PGM3: variants seen among roughly 807,000 people sequenced by gnomAD.
The protein encoded by PGM3 is phosphoacetylglucosamine mutase.
A neutral mutation model predicts 66.2 loss-of-function variants in PGM3; 40 were observed. The ratio of observed to expected loss-of-function variants is 0.60; its 90% CI spans 0.47 to 0.79. The LOEUF (loss-of-function observed/expected upper bound fraction) is 0.79, where lower values mean the gene tolerates loss of function less well. Ranked by LOEUF, PGM3 falls within the 30% of genes least tolerant of loss-of-function variation. The pLI, the probability that PGM3 is intolerant of heterozygous loss-of-function variation, is 0.00. For missense variants in PGM3, 537 were observed against 643.4 expected (o/e 0.83, Z 1.79); for synonymous variants, 191 against 224.2 (o/e 0.85, Z 1.32).
At chr6:83,180,486 T>C (rs1419240578) in intron 6 of PGM3, among the ~76,000 whole-genome samples, 1 of 152,196 alleles carries the variant, frequency 6.6e-6, no homozygotes, top group East Asian at 1.9e-4. Context: ...ATCTCAGCAA[T>C]TGTCACATCA....
Position 83,168,663 on chromosome 6 carries a change from A to G in PGM3, c.*571T>C, listed in dbSNP as rs770551557. On this transcript the variant is annotated 3_prime_UTR_variant, in exon 13 of 13. Coordinates refer to ENST00000513973, the MANE Select transcript of PGM3 (RefSeq NM_015599.3). ...CTGAAGGCTGGACCATGCATCCTTA[A>G]AAGTATTGCATGAGCATCTCCACCT... The G allele has an allele frequency of 1.3e-5, 13 of 995,172 alleles. No individual in the cohort carries two copies. The highest frequency in any genetic ancestry group is 3.5e-5 in the African/African-American group (2 of 57,286). 61.6% of individuals were successfully genotyped at this position (995,172 alleles called of 1,614,324 possible).
rs757358580 is a variant in PGM3, at chr6:83,167,929, T to C, written c.*1305A>G. 2 of 1,614,182 alleles carry C rather than the reference T, an allele frequency of 1.2e-6. No individual in the cohort carries two copies. Among genetic ancestry groups the C allele is most frequent in the African/African-American group, 1.3e-5 (1 of 75,064 alleles). On this transcript the variant is annotated 3_prime_UTR_variant, in exon 13 of 13. Coordinates refer to ENST00000513973, the MANE Select transcript of PGM3 (RefSeq NM_015599.3). ...GAGCCAGGGCACTTGCTGCTCACCA[T>C]CTGCACCGTGCGCAGTATGGAGCAG...
At chr6:83,156,202 G>T, downstream of PGM3, 1 of 926,844 alleles carries the variant, frequency 1.1e-6, no homozygotes. Context: ...AATATATCAA[G>T]TGTAGATCAA....
rs1328940108 is a variant in PGM3, at chr6:83,191,257, C to T, written c.-2-243G>A. 8 of 1,534,880 alleles carry T rather than the reference C, an allele frequency of 5.2e-6. No homozygotes were observed. The highest frequency in any genetic ancestry group is 1.4e-5 in the African/African-American group (1 of 73,094). The stretch of plus-strand genomic sequence containing the variant: ...CAGGGCAGATAGCAGATTGTCCCCA[C>T]TCTCCTCCCATTTTAGCTCCAGGAC... On this transcript the variant is annotated intron_variant, in intron 1 of 12. Coordinates refer to ENST00000513973, the MANE Select transcript of PGM3 (RefSeq NM_015599.3).
the PGM3 span, among the ~76,000 whole-genome samples, chr6:83,149,307 GT>G: frequency 6.6e-6 from 1 of 152,148 alleles, no homozygotes; most frequent in Admixed American, 6.5e-5. Context: ...TTTGATAAAT[GT>G]TAGTCACCTA....
At position 83,170,316 on chromosome 6, in the gene PGM3, C is replaced by T; in HGVS notation, c.1528G>A (p.Ala510Thr). ...CTATCCCAGCTTACTTGTGAGTCTGCTTCTGCATATACTCGGACGACATCT... is the reference window on the plus strand; with the variant it reads ...CTATCCCAGCTTACTTGTGAGTCTGTTTCTGCATATACTCGGACGACATCT... ...TEDVVRVYAE[A>T]DSQESADHLA... Residue 510 changes from alanine (A) to threonine (T), a missense_variant, in exon 12 of 13, where the codon GCA (alanine) becomes ACA (threonine). Coordinates refer to ENST00000513973, the MANE Select transcript of PGM3 (RefSeq NM_015599.3). The T allele has an allele frequency of 1.9e-6, 3 of 1,614,144 alleles. No individual in the cohort carries two copies. The highest frequency in any genetic ancestry group is 2.5e-6 in the Non-Finnish European group (3 of 1,179,994).
rs1786480815 is a variant in PGM3 at position 83,169,001 on chromosome 6, A to G, written c.*233T>C. On this transcript the variant is annotated 3_prime_UTR_variant, in exon 13 of 13. Coordinates refer to ENST00000513973, the MANE Select transcript of PGM3 (RefSeq NM_015599.3). ...TGACTGAATTGTATACTTAAGTCCC[A>G]GTATTTTACATTAGTGAGACTGAAA... is the stretch of plus-strand genomic sequence containing the variant. The G allele has an allele frequency of 4.6e-6, 6 of 1,314,012 alleles. No individual in the cohort carries two copies. The highest frequency in any genetic ancestry group is 5.8e-6 in the Non-Finnish European group (6 of 1,028,658). The allele number at this position is 1,314,012 out of a possible 1,614,324, so 81.4% of individuals were successfully genotyped here.
chr6:83,168,441 T>A lies in PGM3; in HGVS notation c.*793A>T. ...TTATTGTCCTGAGTTGTCTTAAACC[T>A]GCAAAATATACACTACCCATTTTTT... On this transcript the variant is annotated 3_prime_UTR_variant, in exon 13 of 13. Transcript: ENST00000513973. 1 of 1,106,704 alleles carries A rather than the reference T, an allele frequency of 9.0e-7. No homozygotes were observed. The highest frequency in any genetic ancestry group is 1.6e-5 in the African/African-American group (1 of 61,056). The allele number at this position is 1,106,704 out of a possible 1,614,324, so 68.6% of individuals were successfully genotyped here. A position where few individuals can be genotyped will look rare whatever the true frequency, so the allele number is the denominator to read the frequency against.
chr6:83,164,709 C>T, downstream of PGM3: 1 of 1,590,566 alleles, frequency 6.3e-7, no homozygotes, highest in Non-Finnish European at 8.6e-7. Context: ...TTGGAGATGG[C>T]CAAGCATCAG....
At chr6:83,152,862 C>T in the PGM3 span, among the ~76,000 whole-genome samples, 1 of 152,208 alleles carries the variant, frequency 6.6e-6, no homozygotes, top group South Asian at 2.1e-4. Flanking sequence ...AGGTAATCCG[C>T]CCACCTCGGC....
chr6:83,176,595 G>A (rs1787788455), intron 8 of PGM3, among the ~76,000 whole-genome samples: 1 of 152,178 alleles, frequency 6.6e-6, no homozygotes, highest in African/African-American at 2.4e-5. Flanking sequence ...GAGGCTTCTA[G>A]GACTAATCCC....
chr6:83,175,994 C>T lies in PGM3; in HGVS notation c.1096G>A (p.Gly366Arg). The T allele has an allele frequency of 1.2e-6, 2 of 1,611,792 alleles. No homozygotes were observed. The highest frequency in any genetic ancestry group is 1.7e-6 in the Non-Finnish European group (2 of 1,177,936). Residue 366 changes from glycine (G) to arginine (R), a missense_variant, in exon 9 of 13, where the codon GGA becomes AGA. Gly to Arg is a moderately radical substitution (Grantham distance 125). Transcript: ENST00000513973. ...TGCCCATTTGCTTCAAAATAAACTC[C>T]AATGTCAAACTCTTGAGCCTTGTGG... Reference protein sequence around the residue: ...LHHKAQEFDIGVYFEANGHGT... With the variant: ...LHHKAQEFDIRVYFEANGHGT...
downstream of PGM3, chr6:83,157,086 T>C (rs182042553): frequency 1.6e-6 from 2 of 1,232,046 alleles, no homozygotes; most frequent in African/African-American, 3.0e-5. Flanking sequence ...GTTTATCCTT[T>C]ACTACAGATA....
intron 6 of PGM3, 105 bp from the exon 7 acceptor site, chr6:83,180,072 C>A: frequency 1.2e-6 from 1 of 804,136 alleles, no homozygotes; most frequent in Non-Finnish European, 1.9e-6. Context: ...ATGTCTTAAT[C>A]TTAAATAGTG....
At chr6:83,185,289 G>A (rs1466339161) in intron 4 of PGM3, among the ~76,000 whole-genome samples, 1 of 152,214 alleles carries the variant, frequency 6.6e-6, no homozygotes, top group Non-Finnish European at 1.5e-5. Flanking sequence ...ATGACTGCAT[G>A]TCATGTAGGC....
chr6:83,168,080 G>T lies in PGM3; in HGVS notation c.*1154C>A. The T allele has an allele frequency of 6.2e-7, 1 of 1,614,146 alleles. No individual in the cohort carries two copies. The highest frequency in any genetic ancestry group is 8.5e-7 in the Non-Finnish European group (1 of 1,180,032). The stretch of plus-strand genomic sequence containing the variant: ...TCCCTAATAAGGACATGAAACTGGA[G>T]AACCACAAACCATGTTCCAGCAAAG... On this transcript the variant is annotated 3_prime_UTR_variant, in exon 13 of 13. Coordinates refer to ENST00000513973, the MANE Select transcript of PGM3 (RefSeq NM_015599.3).
chr6:83,173,892 A>ACG (rs1787538758), intron 10 of PGM3, among the ~76,000 whole-genome samples: 1 of 152,016 alleles, frequency 6.6e-6, no homozygotes, highest in Non-Finnish European at 1.5e-5. Flanking sequence ...GCCCGCCACC[A>ACG]TGCCCGGCTA....
chr6:83,186,436 G>A (rs1050487807), intron 4 of PGM3, among the ~76,000 whole-genome samples: 3 of 152,118 alleles, frequency 2.0e-5, no homozygotes, highest in Non-Finnish European at 4.4e-5. Flanking sequence ...AAGAGTGGAC[G>A]TTTGTTTTAA....
downstream of PGM3, among the ~76,000 whole-genome samples, chr6:83,163,875 A>G (rs1430771191): frequency 6.6e-6 from 1 of 152,064 alleles, no homozygotes; most frequent in Non-Finnish European, 1.5e-5. Context: ...TAAAAAGTGT[A>G]GGAAAATAAA....
Sources: gnomAD v4.1 joint callset for allele counts (sites outside exome capture counted in the v4.1 genomes callset) on GRCh38, gnomAD v4.1.1 for gene constraint, MANE v1.5 for transcripts, NCBI Gene and HGNC (gene_info 2026-07-23, HGNC 2026-07-21) for gene names.